VWA5B1: variants seen among roughly 807,000 people sequenced by gnomAD.
VWA5B1 encodes the protein von Willebrand factor A domain-containing protein 5B1.
Under a neutral mutation model 118.2 loss-of-function variants are expected in VWA5B1, and 115 were observed. That is an observed-to-expected ratio of 0.97 (90% CI 0.84 to 1.14). The LOEUF (loss-of-function observed/expected upper bound fraction) is 1.14, where lower values mean the gene tolerates loss of function less well. Ranked by LOEUF, VWA5B1 falls within the 50% of genes most tolerant of loss-of-function variation. The probability of loss-of-function intolerance (pLI) is 0.00; values close to 1 mark genes in which losing one functional copy is unlikely to be tolerated. For synonymous variants in VWA5B1, 682 were observed against 658.4 expected, an observed-to-expected ratio of 1.04 and a Z score of -0.55; for missense variants, 1,596 against 1,603.8, an observed-to-expected ratio of 1.00 and a Z score of 0.08.
At position 20,355,432 on chromosome 1, in the gene VWA5B1, C is replaced by G. The variant is rs2090212047; in HGVS notation, c.*1169C>G. ...CTGGCATAGAGCTGCCCAGTCTCCT[C>G]TTCCCCACTGACTCCCCTGGAGGTG... On this transcript the variant is annotated 3_prime_UTR_variant, in exon 22 of 22. Transcript: ENST00000289815. 6.6e-6 allele frequency among the ~76,000 whole-genome samples: 1 copy of G among 152,236 alleles called. No homozygotes were observed. The highest frequency in any genetic ancestry group is 2.4e-5 in the African/African-American group (1 of 41,470).
chr1:20,301,757 A>C lies in VWA5B1; in HGVS notation c.-26-8819A>C, dbSNP rs569091707. Among the ~76,000 whole-genome samples, 5 of 152,360 alleles carry C rather than the reference A, an allele frequency of 3.3e-5. No individual in the cohort carries two copies. The East Asian group carries it at 9.6e-4, about 29-fold the overall frequency. ...TCAGCGGAGCCACAGGGATGCTAGCAGCTCTGCTGGGTGAGCTCAACTTGC... is the reference window on the plus strand; with the variant it reads ...TCAGCGGAGCCACAGGGATGCTAGCCGCTCTGCTGGGTGAGCTCAACTTGC... On this transcript the variant is annotated intron_variant, in intron 1 of 21. Transcript: ENST00000289815.
chr1:20,330,396 GAGGGTCTAGGCTCGGTGACTCC>G lies in VWA5B1; in HGVS notation c.1457+18_1457+39del, dbSNP rs1328686255. 2.6e-6 allele frequency: 4 copies of G among 1,551,464 alleles called. No individual in the cohort carries two copies. The South Asian group carries it at 4.8e-5, about 18-fold the overall frequency. On this transcript the variant is annotated intron_variant, in intron 10 of 21. Transcript: ENST00000289815. ...CTTCTCCACCAGGTCGGCCTTGGCT[GAGGGTCTAGGCTCGGTGACTCC>G]AGGCTGCCGGGGCTGGGGCGCCAGA...
At chr1:20,296,231 G>A (rs1487196553) in intron 1 of VWA5B1, among the ~76,000 whole-genome samples, 3 of 152,188 alleles carry the variant, frequency 2.0e-5, no homozygotes, top group Non-Finnish European at 2.9e-5. Context: ...TACAAAAGTA[G>A]TCCCTGAATA....
At chr1:20,293,639 A>T (rs12033726) in intron 1 of VWA5B1, among the ~76,000 whole-genome samples, 19,025 of 152,226 alleles carry the variant, frequency 0.12, 1,906 homozygotes, top group East Asian at 0.53. Flanking sequence ...GAAGAGGGTC[A>T]CCTAAACAGG....
chr1:20,314,286 T>C (rs2088934655), intron 3 of VWA5B1, 36 bp from the exon 4 acceptor site: 1 of 1,545,280 alleles, frequency 6.5e-7, no homozygotes, highest in African/African-American at 1.4e-5. Flanking sequence ...TCAGAGATAA[T>C]CTATGTACAG....
chr1:20,342,937 T>C (rs1352038221), intron 15 of VWA5B1, 142 bp from the exon 16 acceptor site: 2 of 1,396,176 alleles, frequency 1.4e-6, no homozygotes, highest in African/African-American at 2.9e-5. Flanking sequence ...GGAAAGCAGT[T>C]GGAGTTGCCT....
chr1:20,306,831 G>A (rs2088670632), intron 1 of VWA5B1, among the ~76,000 whole-genome samples: 1 of 152,150 alleles, frequency 6.6e-6, no homozygotes, highest in Non-Finnish European at 1.5e-5. Flanking sequence ...ATTTCATCAG[G>A]AAAACACAGT....
Position 20,359,391 on chromosome 1 carries a change from A to C in VWA5B1, c.*5128A>C, listed in dbSNP as rs2090283772. 6.6e-6 allele frequency among the ~76,000 whole-genome samples: 1 copy of C among 152,130 alleles called. No individual in the cohort carries two copies. The highest frequency in any genetic ancestry group is 1.5e-5 in the Non-Finnish European group (1 of 68,026). On this transcript the variant is annotated 3_prime_UTR_variant, in exon 22 of 22. Transcript: ENST00000289815. The stretch of plus-strand genomic sequence containing the variant: ...GGAAGCCCTGGATGTCAGCCGTCTA[A>C]TGTCCACTAATACTCAGCAAATCCT...
At chr1:20,306,342 G>C (rs765860152) in intron 1 of VWA5B1, among the ~76,000 whole-genome samples, 1 of 152,000 alleles carries the variant, frequency 6.6e-6, no homozygotes, top group Non-Finnish European at 1.5e-5. Flanking sequence ...ATCAATGGGG[G>C]CTTGAGGGAC....
chr1:20,311,739 C>T (rs2088855642), intron 2 of VWA5B1, among the ~76,000 whole-genome samples: 1 of 152,130 alleles, frequency 6.6e-6, no homozygotes, highest in Non-Finnish European at 1.5e-5. Context: ...CCTTTGGTGA[C>T]CAAACCTCAG....
chr1:20,336,334 C>T lies in VWA5B1; in HGVS notation c.1790C>T (p.Ser597Phe). 1 of 1,515,172 alleles carries T rather than the reference C, an allele frequency of 6.6e-7. No individual in the cohort carries two copies. The highest frequency in any genetic ancestry group is 8.9e-7 in the Non-Finnish European group (1 of 1,127,694). 93.9% of individuals were successfully genotyped at this position (1,515,172 alleles called of 1,614,324 possible). Residue 597 changes from serine to phenylalanine, a missense_variant, in exon 13 of 22, where the codon TCT (serine) becomes TTT (phenylalanine). Coordinates refer to ENST00000289815, the MANE Select transcript of VWA5B1 (RefSeq NM_001039500.3). ...AGGCGCCGGTACAGCATGCTGCACTCTCAGGAGTCTGGCAGCTCTGTCTTC... is the reference window on the plus strand; with the variant it reads ...AGGCGCCGGTACAGCATGCTGCACTTTCAGGAGTCTGGCAGCTCTGTCTTC... ...DKRRRYSMLH[S>F]QESGSSVFYH...
At chr1:20,322,788 C>T (rs2089261019) in intron 7 of VWA5B1, among the ~76,000 whole-genome samples, 1 of 152,158 alleles carries the variant, frequency 6.6e-6, no homozygotes, top group African/African-American at 2.4e-5. Context: ...TCTTCTTGTC[C>T]TCATTTAATG....
chr1:20,311,036 G>A (rs1232902766), intron 2 of VWA5B1, among the ~76,000 whole-genome samples: 1 of 152,130 alleles, frequency 6.6e-6, no homozygotes, highest in African/African-American at 2.4e-5. Flanking sequence ...GCAGTGGTGC[G>A]ATCACGGCTC....
rs1439960197 is a variant in VWA5B1 at position 20,337,698 on chromosome 1, T to A, written c.1995T>A (p.Asn665Lys). The A allele has an allele frequency of 1.3e-6, 2 of 1,551,462 alleles. No individual in the cohort carries two copies. Among genetic ancestry groups the A allele is most frequent in the East Asian group, 4.9e-5 (2 of 40,894 alleles). The change falls in exon 14 of 22, where the codon AAT (asparagine) becomes AAA (lysine). Residue 665 changes from asparagine (N) to lysine (K), a missense_variant. Physicochemically the swap from Asn to Lys is moderately conservative, Grantham distance 94. Transcript: ENST00000289815. ...RRAYSTNQIT[N>K]HKPLPRATMA... ...CATACAGCACCAACCAGATCACCAATCACAAGCCCCTCCCAAGAGCCACCA... is the reference window on the plus strand; with the variant it reads ...CATACAGCACCAACCAGATCACCAAACACAAGCCCCTCCCAAGAGCCACCA...
intron 18 of VWA5B1, 35 bp from the exon 19 acceptor site, chr1:20,350,121 G>T: frequency 6.5e-7 from 1 of 1,543,206 alleles, no homozygotes; most frequent in Non-Finnish European, 8.8e-7. Flanking sequence ...GGAAGGGAGG[G>T]GAGAGGTCCA....
chr1:20,346,935 C>A (rs2090019844), intron 17 of VWA5B1, among the ~76,000 whole-genome samples: 1 of 152,168 alleles, frequency 6.6e-6, no homozygotes, highest in Admixed American at 6.5e-5. Context: ...TCATTTCAGG[C>A]AATGGAGTGG....
intron 8 of VWA5B1, among the ~76,000 whole-genome samples, chr1:20,324,977 G>A (rs755750479): frequency 6.6e-6 from 1 of 152,172 alleles, no homozygotes; most frequent in Admixed American, 6.5e-5. Context: ...ATCCCGTTCC[G>A]CATCTTTATC....
At chr1:20,343,031 G>C in intron 15 of VWA5B1, 48 bp from the exon 16 acceptor site, 1 of 1,465,936 alleles carries the variant, frequency 6.8e-7, no homozygotes, top group Non-Finnish European at 9.1e-7. Flanking sequence ...GGAGTTGGCC[G>C]TCTGTCCCCC....
intron 18 of VWA5B1, among the ~76,000 whole-genome samples, chr1:20,348,937 C>G (rs2090066573): frequency 6.6e-6 from 1 of 152,176 alleles, no homozygotes; most frequent in African/African-American, 2.4e-5. Context: ...TTCTGTCTCT[C>G]TAAAGACAGC....
Sources: gnomAD v4.1 joint callset for allele counts (sites outside exome capture counted in the v4.1 genomes callset) on GRCh38, gnomAD v4.1.1 for gene constraint, MANE v1.5 for transcripts, NCBI Gene and HGNC (gene_info 2026-07-23, HGNC 2026-07-21) for gene names.